The following FGF13 variants were observed in gnomAD, a reference collection of about 807,000 sequenced individuals.
FGF13 encodes the protein fibroblast growth factor homologous factor 2.
In FGF13, 2 loss-of-function variants were observed where a neutral mutation model predicts 19.5. The ratio of observed to expected loss-of-function variants is 0.10; its 90% CI spans 0.04 to 0.32. The LOEUF is 0.32. Among genes scored for constraint, FGF13 ranks in the 10% least tolerant of loss-of-function variants. The pLI, the probability that FGF13 is intolerant of heterozygous loss-of-function variation, is 1.00. For synonymous variants in FGF13, 72 were observed against 76.9 expected (o/e 0.94, Z 0.33); for missense variants, 113 against 192.7 (o/e 0.59, Z 2.45).
chrX:138,849,969 T>G (rs763764343), intron 3 of FGF13, among the ~76,000 whole-genome samples: 1 of 111,631 alleles, frequency 9.0e-6, no homozygotes, highest in African/African-American at 3.2e-5. Context: ...GCTGGCTTCA[T>G]ACAGGAGAAA....
At chrX:138,771,132 A>G (rs1444155470) in intron 3 of FGF13, among the ~76,000 whole-genome samples, 2 of 111,263 alleles carry the variant, frequency 1.8e-5, no homozygotes, top group African/African-American at 6.5e-5. Flanking sequence ...ACTAAAGAAA[A>G]ATTTCTATGC....
intron 3 of FGF13, among the ~76,000 whole-genome samples, chrX:138,791,250 T>A (rs772017544): frequency 5.3e-5 from 6 of 112,206 alleles, no homozygotes; most frequent in African/African-American, 1.6e-4. Flanking sequence ...TAGGGCACTA[T>A]GGCATCCTCA....
intron 1 of FGF13, among the ~76,000 whole-genome samples, chrX:138,885,756 A>G (rs1488112268): frequency 9.2e-6 from 1 of 109,255 alleles, no homozygotes; most frequent in East Asian, 2.9e-4. Context: ...TAACTCCAAC[A>G]GGGCATGAAT....
At chrX:138,975,734 C>A (rs1001738390) in intron 1 of FGF13, among the ~76,000 whole-genome samples, 17 of 111,324 alleles carry the variant, frequency 1.5e-4, no homozygotes, top group African/African-American at 5.2e-4. Flanking sequence ...GGACTGAGAG[C>A]AGTTCACTGG....
intron 1 of FGF13, among the ~76,000 whole-genome samples, chrX:139,010,343 G>C (rs2092123089): frequency 9.0e-6 from 1 of 111,243 alleles, no homozygotes; most frequent in Non-Finnish European, 1.9e-5. Flanking sequence ...AACAACTGTA[G>C]AATATACATT....
At chrX:138,818,830 A>G (rs2090980044) in intron 3 of FGF13, among the ~76,000 whole-genome samples, 1 of 111,840 alleles carries the variant, frequency 8.9e-6, no homozygotes, top group Admixed American at 9.5e-5. Context: ...TAAAATAAAA[A>G]TAAAATGGGT....
intron 1 of FGF13, among the ~76,000 whole-genome samples, chrX:139,128,024 C>T (rs1337169109): frequency 1.8e-5 from 2 of 110,596 alleles, no homozygotes; most frequent in African/African-American, 6.6e-5. Context: ...TCTACCTAAG[C>T]CTGAATCCTG....
chrX:138,919,262 GAA>G, intron 1 of FGF13, among the ~76,000 whole-genome samples: 1 of 111,545 alleles, frequency 9.0e-6, no homozygotes, highest in Admixed American at 9.5e-5. Context: ...AAATCAGCAA[GAA>G]AGAGGCCAAA....
At chrX:138,796,129 G>A (rs2090776102) in intron 3 of FGF13, among the ~76,000 whole-genome samples, 1 of 109,776 alleles carries the variant, frequency 9.1e-6, no homozygotes, top group Non-Finnish European at 1.9e-5. Flanking sequence ...GGGTATACAT[G>A]TGCCATGGTG....
chrX:139,078,119 C>T (rs191211925), intron 1 of FGF13, among the ~76,000 whole-genome samples: 2 of 110,125 alleles, frequency 1.8e-5, no homozygotes, highest in Non-Finnish European at 3.8e-5. Flanking sequence ...GTCAGAAATT[C>T]GGAATGATTT....
At chrX:138,685,964 C>T (rs1332732423) in intron 3 of FGF13, among the ~76,000 whole-genome samples, 1 of 109,313 alleles carries the variant, frequency 9.1e-6, no homozygotes, top group Non-Finnish European at 1.9e-5. Context: ...TGTGATGAGA[C>T]GGTAACAGGT....
At chrX:138,809,916 A>G (rs192741458) in intron 3 of FGF13, among the ~76,000 whole-genome samples, 3 of 111,512 alleles carry the variant, frequency 2.7e-5, no homozygotes, top group African/African-American at 9.8e-5. Context: ...AAGGAGAACT[A>G]CAAACCCCTG....
At position 138,618,107 on chromosome X, in the gene FGF13, A is replaced by G; in HGVS notation, c.*14743T>C. On this transcript the variant is annotated 3_prime_UTR_variant, in exon 5 of 5. Transcript: ENST00000315930. ...AGGAATTTTCTCCTGTCATTTCCCC[A>G]CTATCTACAATTTTGACAACCACTC... 8.9e-6 allele frequency: 1 copy of G among 112,321 alleles called. No individual in the cohort carries two copies. The highest frequency in any genetic ancestry group is 3.2e-5 in the African/African-American group (1 of 30,924). 9.3% of individuals were successfully genotyped at this position (112,321 alleles called of 1,213,427 possible).
chrX:139,125,860 C>G (rs937139979), intron 1 of FGF13, among the ~76,000 whole-genome samples: 1 of 111,387 alleles, frequency 9.0e-6, no homozygotes, highest in African/African-American at 3.3e-5. Flanking sequence ...ATTCTCACAG[C>G]TCAGTCCATG....
intron 3 of FGF13, among the ~76,000 whole-genome samples, chrX:138,652,148 G>T (rs2089382658): frequency 9.0e-6 from 1 of 110,686 alleles, no homozygotes; most frequent in African/African-American, 3.3e-5. Context: ...CCTTTAATAT[G>T]CTAAGCATAT....
chrX:139,084,988 T>C (rs2083394679), intron 1 of FGF13, among the ~76,000 whole-genome samples: 1 of 111,790 alleles, frequency 8.9e-6, no homozygotes, highest in African/African-American at 3.3e-5. Context: ...ACAGCCACTC[T>C]AGTCTTACTT....
rs2090047974 is a variant in FGF13, at chrX:138,711,423, G to GGCGGGCGGAGGGAGTGAGC, written c.-439_-421dup. 8.1e-6 allele frequency: 5 copies of GGCGGGCGGAGGGAGTGAGC among 614,494 alleles called. No homozygotes were observed. Among genetic ancestry groups the GGCGGGCGGAGGGAGTGAGC allele is most frequent in the African/African-American group, 3.7e-5 (1 of 27,260 alleles). The allele number at this position is 614,494 out of a possible 1,213,427, so 50.6% of individuals were successfully genotyped here. On this transcript the variant is annotated 5_prime_UTR_variant, in exon 1 of 5. Coordinates refer to ENST00000315930, the MANE Select transcript of FGF13 (RefSeq NM_004114.5). Reference sequence around the variant, plus strand: ...CTTCTGATGGGGGCCAGAGGAGGGAGGCGGGCGGAGGGAGTGAGCGCGGGC... The same window carrying GGCGGGCGGAGGGAGTGAGC: ...CTTCTGATGGGGGCCAGAGGAGGGAGGCGGGCGGAGGGAGTGAGCGCGGGCGGAGGGAGTGAGCGCGGGC...
intron 1 of FGF13, among the ~76,000 whole-genome samples, chrX:139,132,975 A>T (rs1356560065): frequency 2.7e-5 from 3 of 111,481 alleles, no homozygotes; most frequent in African/African-American, 9.8e-5. Context: ...GCACTTTCCA[A>T]TGTATATCCA....
chrX:138,967,031 C>T (rs947387697), intron 1 of FGF13, among the ~76,000 whole-genome samples: 2 of 110,820 alleles, frequency 1.8e-5, no homozygotes, highest in East Asian at 2.9e-4. Context: ...TCCCCAGGCA[C>T]GTGGAACTGT....
Sources: allele counts gnomAD v4.1 joint callset (sites outside exome capture counted in the v4.1 genomes callset), GRCh38; gene constraint gnomAD v4.1.1; transcripts MANE v1.5; gene names NCBI Gene and HGNC (gene_info 2026-07-23, HGNC 2026-07-21).